The following CADM2 variants were observed in gnomAD, a reference collection of about 807,000 sequenced individuals.
CADM2 encodes the protein immunoglobulin superfamily member 4D.
Under a neutral mutation model 49.8 loss-of-function variants are expected in CADM2, and 12 were observed. The observed-to-expected ratio is 0.24, with a 90% CI of 0.15 to 0.39. CADM2 has a LOEUF of 0.39. Ranked by LOEUF, CADM2 falls within the 10% of genes least tolerant of loss-of-function variation. CADM2 has a pLI of 1.00. For missense variants in CADM2, 378 were observed against 492.3 expected (o/e 0.77, Z 2.20); for synonymous variants, 214 against 175.4 (o/e 1.22, Z -1.74).
At chr3:84,993,557 A>C (rs1259057843) in intron 1 of CADM2, among the ~76,000 whole-genome samples, 3 of 152,194 alleles carry the variant, frequency 2.0e-5, no homozygotes, top group African/African-American at 7.2e-5. Context: ...TAAGTGGTGC[A>C]CCATCAGGAA....
chr3:85,953,421 C>T (rs1473939220), intron 7 of CADM2, among the ~76,000 whole-genome samples: 2 of 150,846 alleles, frequency 1.3e-5, no homozygotes, highest in Non-Finnish European at 3.0e-5. Context: ...TTAATCTTTT[C>T]AACATTATGG....
chr3:85,952,947 G>A (rs1001491498), intron 7 of CADM2, among the ~76,000 whole-genome samples: 5 of 150,366 alleles, frequency 3.3e-5, no homozygotes, highest in African/African-American at 1.2e-4. Flanking sequence ...AGAAAGTCTA[G>A]ATTCTTCAGC....
rs2034782857 is a variant in CADM2, at chr3:85,027,366, C to T, written c.61+67698C>T. Reference sequence around the variant, plus strand: ...CCGGACTTCGTGATCCCACCTTGGCCTCCTGAAGTGCTGGGATTACAGGCG... The same window carrying T: ...CCGGACTTCGTGATCCCACCTTGGCTTCCTGAAGTGCTGGGATTACAGGCG... On this transcript the variant is annotated intron_variant, in intron 1 of 9. Transcript: ENST00000383699. Among the ~76,000 whole-genome samples the T allele has an allele frequency of 2.0e-5, 3 of 151,774 alleles. 1 individual carries two copies. Among genetic ancestry groups the T allele is most frequent in the Admixed American group, 2.0e-4 (3 of 15,240 alleles).
intron 1 of CADM2, among the ~76,000 whole-genome samples, chr3:85,084,044 C>G (rs1297336775): frequency 6.6e-6 from 1 of 152,098 alleles, no homozygotes; most frequent in East Asian, 1.9e-4. Flanking sequence ...TCAACTCTTG[C>G]GTTGTCAGTT....
At chr3:85,797,945 T>C (rs993272444) in intron 2 of CADM2, among the ~76,000 whole-genome samples, 13 of 152,138 alleles carry the variant, frequency 8.5e-5, no homozygotes, top group African/African-American at 3.1e-4. Context: ...TTTTAATGAG[T>C]GCCATTCTAA....
chr3:84,965,076 A>T (rs534755379), intron 1 of CADM2, among the ~76,000 whole-genome samples: 1 of 152,304 alleles, frequency 6.6e-6, no homozygotes, highest in East Asian at 1.9e-4. Context: ...ATTAGATTAG[A>T]TCATAAACTA....
chr3:85,043,161 C>T (rs914131605), intron 1 of CADM2, among the ~76,000 whole-genome samples: 1 of 151,902 alleles, frequency 6.6e-6, no homozygotes, highest in Non-Finnish European at 1.5e-5. Flanking sequence ...ACATCAATTC[C>T]AAGTCTTTAG....
chr3:85,469,634 G>A (rs1346933639), intron 1 of CADM2, among the ~76,000 whole-genome samples: 1 of 152,194 alleles, frequency 6.6e-6, no homozygotes, highest in African/African-American at 2.4e-5. Flanking sequence ...AAACCTATCA[G>A]ATGGGATGTG....
At chr3:85,705,344 C>G (rs2066911250) in intron 1 of CADM2, among the ~76,000 whole-genome samples, 2 of 151,786 alleles carry the variant, frequency 1.3e-5, no homozygotes, top group African/African-American at 4.8e-5. Flanking sequence ...TTCTACAAGT[C>G]AGGTACTGTT....
intron 1 of CADM2, among the ~76,000 whole-genome samples, chr3:85,639,285 A>G (rs1559959618): frequency 6.6e-6 from 1 of 152,212 alleles, no homozygotes; most frequent in Admixed American, 6.5e-5. Flanking sequence ...TCAGAAGTAG[A>G]TGTATGTGAA....
At chr3:85,280,049 T>C (rs1280995799) in intron 1 of CADM2, among the ~76,000 whole-genome samples, 2 of 151,704 alleles carry the variant, frequency 1.3e-5, no homozygotes, top group East Asian at 3.9e-4. Context: ...GCCTACATTA[T>C]CTATTTTTTG....
intron 1 of CADM2, among the ~76,000 whole-genome samples, chr3:85,513,890 G>T (rs2060833529): frequency 6.6e-6 from 1 of 151,920 alleles, no homozygotes; most frequent in Admixed American, 6.6e-5. Context: ...CATACAATTT[G>T]ACTTACTCTT....
chr3:85,438,321 T>TTATC (rs2037028688), intron 1 of CADM2, among the ~76,000 whole-genome samples: 1 of 151,814 alleles, frequency 6.6e-6, no homozygotes, highest in Non-Finnish European at 1.5e-5. Flanking sequence ...ATATGGATCA[T>TTATC]TATCTGTATC....
chr3:85,428,440 AGATATATAT>A (rs1405517796), intron 1 of CADM2, among the ~76,000 whole-genome samples: 4 of 145,874 alleles, frequency 2.7e-5, no homozygotes, highest in South Asian at 2.1e-4. Context: ...ATATATATAT[AGATATATAT>A]GATATATATG....
At chr3:85,132,220 A>C (rs2039255224) in intron 1 of CADM2, among the ~76,000 whole-genome samples, 1 of 152,180 alleles carries the variant, frequency 6.6e-6, no homozygotes, top group African/African-American at 2.4e-5. Context: ...CAAGGCTCTT[A>C]ATTTGTTTCT....
chr3:85,955,892 A>G (rs536988991), intron 7 of CADM2, among the ~76,000 whole-genome samples: 26 of 151,788 alleles, frequency 1.7e-4, no homozygotes, highest in African/African-American at 5.8e-4. Flanking sequence ...AAATGTATAA[A>G]CATATTTTGT....
At chr3:85,616,168 AC>A (rs1256784852) in intron 1 of CADM2, among the ~76,000 whole-genome samples, 1 of 151,872 alleles carries the variant, frequency 6.6e-6, no homozygotes. Context: ...TTTGACAGTC[AC>A]CTAATATAAA....
intron 8 of CADM2, among the ~76,000 whole-genome samples, chr3:86,030,862 A>G (rs1734481122): frequency 6.6e-6 from 1 of 151,916 alleles, no homozygotes; most frequent in African/African-American, 2.4e-5. Context: ...CTCTTTATAA[A>G]TTTCAAATGC....
intron 1 of CADM2, among the ~76,000 whole-genome samples, chr3:85,368,556 A>G (rs943984387): frequency 3.4e-5 from 5 of 148,126 alleles, no homozygotes; most frequent in African/African-American, 1.2e-4. Context: ...CTGAATATAT[A>G]TATACCTGAA....
Sources: allele counts gnomAD v4.1 joint callset (sites outside exome capture counted in the v4.1 genomes callset), GRCh38; gene constraint gnomAD v4.1.1; transcripts MANE v1.5; gene names NCBI Gene and HGNC (gene_info 2026-07-23, HGNC 2026-07-21).